TBC1D22A: variants seen among roughly 807,000 people sequenced by gnomAD.
The protein encoded by TBC1D22A is putative GTPase activator.
Under a neutral mutation model 60.2 loss-of-function variants are expected in TBC1D22A, and 38 were observed. The observed-to-expected ratio is 0.63, with a 90% CI of 0.49 to 0.83. The LOEUF (loss-of-function observed/expected upper bound fraction) is 0.83, where lower values mean the gene tolerates loss of function less well. Ranked by LOEUF, TBC1D22A falls within the 40% of genes least tolerant of loss-of-function variation. The probability of loss-of-function intolerance (pLI) is 0.00; values close to 1 mark genes in which losing one functional copy is unlikely to be tolerated. For synonymous variants in TBC1D22A, 302 were observed against 281.7 expected (o/e 1.07, Z -0.72); for missense variants, 628 against 701.0 (o/e 0.90, Z 1.18).
chr22:47,002,203 C>T (rs912814427), intron 10 of TBC1D22A, among the ~76,000 whole-genome samples: 3 of 152,254 alleles, frequency 2.0e-5, no homozygotes, highest in Non-Finnish European at 2.9e-5. Context: ...CGTATTACAT[C>T]GAGAACGCTT....
intron 12 of TBC1D22A, among the ~76,000 whole-genome samples, chr22:47,147,747 C>T (rs1357063138): frequency 6.6e-6 from 1 of 152,256 alleles, no homozygotes; most frequent in African/African-American, 2.4e-5. Context: ...GGAGCGGGTC[C>T]AGCAGTGAGC....
intron 11 of TBC1D22A, among the ~76,000 whole-genome samples, chr22:47,068,255 C>G (rs1603228106): frequency 6.6e-6 from 1 of 152,362 alleles, no homozygotes; most frequent in East Asian, 1.9e-4. Context: ...CCGTTGCCCC[C>G]AGGGCTCTTC....
At position 46,797,559 on chromosome 22, in the gene TBC1D22A, A is replaced by G. The variant is rs1601904968; in HGVS notation, c.576A>G (p.Glu192=). Residue 192 remains glutamate, a synonymous_variant, in exon 4 of 13, where the codon GAA becomes GAG. Transcript: ENST00000337137. ...PSTLSSSALS[E]REASRLDKFK... Reference sequence around the variant, plus strand: ...CTCTCAGCAGCTCAGCGCTGAGCGAAAGAGAGGCCTCCCGGCTCGACAAGT... The same window carrying G: ...CTCTCAGCAGCTCAGCGCTGAGCGAGAGAGAGGCCTCCCGGCTCGACAAGT... 2 of 1,613,608 alleles carry G rather than the reference A, an allele frequency of 1.2e-6. No homozygotes were observed. The highest frequency in any genetic ancestry group is 2.2e-5 in the East Asian group (1 of 44,838).
chr22:46,938,459 T>C (rs2071788014), intron 8 of TBC1D22A, among the ~76,000 whole-genome samples: 1 of 152,206 alleles, frequency 6.6e-6, no homozygotes, highest in Admixed American at 6.5e-5. Context: ...TCTCAGAATG[T>C]GTCCCTGTTA....
intron 4 of TBC1D22A, among the ~76,000 whole-genome samples, chr22:46,804,044 A>G (rs1472995647): frequency 2.6e-5 from 4 of 152,232 alleles, no homozygotes; most frequent in Non-Finnish European, 4.4e-5. Context: ...TTACTAGGTA[A>G]GTAACTGACA....
chr22:47,137,024 C>T (rs984101519), intron 12 of TBC1D22A, among the ~76,000 whole-genome samples: 6 of 152,204 alleles, frequency 3.9e-5, no homozygotes, highest in South Asian at 2.1e-4. Context: ...CGTCTTCACT[C>T]GGCGCGGGCA....
In TBC1D22A at chr22:46,874,052, G is replaced by A. The variant is rs372949067; in HGVS notation, c.638-4601G>A. On this transcript the variant is annotated intron_variant, in intron 4 of 12. Transcript: ENST00000337137. ...GTCTCAATCTCCTGACCTCGTGATC[G>A]GCCTGCCTCGGCCTCCCAAAGTGCT... Among the ~76,000 whole-genome samples, 6 of 152,124 alleles carry A rather than the reference G, an allele frequency of 3.9e-5. No individual in the cohort carries two copies. The East Asian group carries it at 5.8e-4, about 15-fold the overall frequency.
chr22:47,167,768 G>T (rs1330060497), intron 12 of TBC1D22A, among the ~76,000 whole-genome samples: 1 of 152,168 alleles, frequency 6.6e-6, no homozygotes, highest in African/African-American at 2.4e-5. Context: ...CATTCGATTG[G>T]ATAAAGGGCA....
Position 47,109,945 on chromosome 22 carries a change from A to G in TBC1D22A, c.1330-1563A>G, listed in dbSNP as rs991104729. ...TGGTTCCACCTCTCCCCACCCTGCC[A>G]TGTGCCATCCATTCTCAGAGTGACA... On this transcript the variant is annotated intron_variant, in intron 11 of 12. Coordinates refer to ENST00000337137, the MANE Select transcript of TBC1D22A (RefSeq NM_014346.5). Among the ~76,000 whole-genome samples, 8 of 151,924 alleles carry G rather than the reference A, an allele frequency of 5.3e-5. No individual in the cohort carries two copies. In the East Asian group the frequency reaches 1.4e-3, roughly 26 times the overall value.
At chr22:47,160,879 C>T (rs931946824) in intron 12 of TBC1D22A, among the ~76,000 whole-genome samples, 3 of 152,322 alleles carry the variant, frequency 2.0e-5, no homozygotes, top group South Asian at 2.1e-4. Context: ...GACCCGCAGG[C>T]GCTGTGGAGC....
At chr22:46,944,661 G>T (rs1403551281) in intron 8 of TBC1D22A, among the ~76,000 whole-genome samples, 1 of 152,212 alleles carries the variant, frequency 6.6e-6, no homozygotes, top group Non-Finnish European at 1.5e-5. Flanking sequence ...GCCTCCCAAA[G>T]TGCTGGGATT....
intron 8 of TBC1D22A, among the ~76,000 whole-genome samples, chr22:46,949,451 C>T (rs1046033178): frequency 2.6e-5 from 4 of 152,190 alleles, no homozygotes; most frequent in African/African-American, 7.2e-5. Flanking sequence ...CCCCTCCAGC[C>T]CTGCCTCCTG....
intron 9 of TBC1D22A, among the ~76,000 whole-genome samples, chr22:46,991,174 G>C (rs1194051396): frequency 6.6e-6 from 1 of 152,212 alleles, no homozygotes; most frequent in Non-Finnish European, 1.5e-5. Flanking sequence ...GAACACAGAA[G>C]ATCAGAGAAA....
intron 4 of TBC1D22A, among the ~76,000 whole-genome samples, chr22:46,865,998 C>G (rs1393310838): frequency 6.6e-6 from 1 of 152,128 alleles, no homozygotes; most frequent in Non-Finnish European, 1.5e-5. Context: ...CCTGAAGAAA[C>G]AGAAGGAGAA....
intron 11 of TBC1D22A, among the ~76,000 whole-genome samples, chr22:47,058,111 G>C (rs2063457217): frequency 6.6e-6 from 1 of 152,186 alleles, no homozygotes; most frequent in Non-Finnish European, 1.5e-5. Flanking sequence ...GAGCTCCGGT[G>C]GCCACTGTTG....
At chr22:47,116,262 T>G (rs918700696) in intron 12 of TBC1D22A, 5 of 152,386 alleles carry the variant, frequency 3.3e-5, no homozygotes, top group South Asian at 2.1e-4. Flanking sequence ...CCGTTGTTTT[T>G]AATTTTAAAG....
In TBC1D22A at chr22:46,912,746, G is replaced by A. The variant is rs188036771; in HGVS notation, c.1015+558G>A. ...TAATTTTTGTATTTTTAGTAGAGAC[G>A]GGCTTTCACCATGTTGGCCAGGGTG... On this transcript the variant is annotated intron_variant, in intron 8 of 12. Coordinates refer to ENST00000337137, the MANE Select transcript of TBC1D22A (RefSeq NM_014346.5). Among the ~76,000 whole-genome samples the A allele has an allele frequency of 2.0e-3, 311 of 152,232 alleles. 2 individuals are homozygous for A. Among genetic ancestry groups the A allele is most frequent in the Non-Finnish European group, 4.6e-4 (31 of 68,030 alleles).
At chr22:47,005,685 C>A (rs535924461) in intron 10 of TBC1D22A, among the ~76,000 whole-genome samples, 5 of 150,456 alleles carry the variant, frequency 3.3e-5, no homozygotes, top group African/African-American at 9.8e-5. Context: ...TATACACATA[C>A]ACACCTACAC....
chr22:47,159,540 G>T (rs988182867), intron 12 of TBC1D22A, among the ~76,000 whole-genome samples: 1 of 148,348 alleles, frequency 6.7e-6, no homozygotes, highest in Non-Finnish European at 1.5e-5. Flanking sequence ...GCACACACAC[G>T]ATGTATACTC....
Sources: gnomAD v4.1 joint callset for allele counts (sites outside exome capture counted in the v4.1 genomes callset) on GRCh38, gnomAD v4.1.1 for gene constraint, MANE v1.5 for transcripts, NCBI Gene and HGNC (gene_info 2026-07-23, HGNC 2026-07-21) for gene names.